The following PTK2 variants were observed in gnomAD, a reference collection of about 807,000 sequenced individuals.
The protein encoded by PTK2 is focal adhesion kinase 1.
A neutral mutation model predicts 150.1 loss-of-function variants in PTK2; 45 were observed. The observed-to-expected ratio is 0.30, with a 90% CI of 0.24 to 0.38. The LOEUF is 0.38. Ranked by LOEUF, PTK2 falls within the 10% of genes least tolerant of loss-of-function variation. PTK2 has a pLI of 1.00. For synonymous variants in PTK2, 432 were observed against 449.2 expected, an observed-to-expected ratio of 0.96 and a Z score of 0.48; for missense variants, 919 against 1,307.3, an observed-to-expected ratio of 0.70 and a Z score of 4.58.
At chr8:140,849,926 C>T (rs930849908) in intron 5 of PTK2, among the ~76,000 whole-genome samples, 2 of 152,162 alleles carry the variant, frequency 1.3e-5, no homozygotes, top group Non-Finnish European at 2.9e-5. Flanking sequence ...TCATTCTCTA[C>T]TAGAATGAAG....
At chr8:140,890,291 G>A (rs2100153794) in intron 3 of PTK2, 2 of 387,956 alleles carry the variant, frequency 5.2e-6, no homozygotes, top group South Asian at 5.7e-5. Flanking sequence ...ACCTAGAAGG[G>A]AAAAATAAGT....
intron 8 of PTK2, 103 bp from the exon 9 acceptor site, chr8:140,819,123 T>A: frequency 8.8e-7 from 1 of 1,132,850 alleles, no homozygotes; most frequent in Non-Finnish European, 1.2e-6. Flanking sequence ...TACTAACACC[T>A]ACATTCAAAT....
At chr8:140,751,383 T>C (rs2100062564) in intron 17 of PTK2, among the ~76,000 whole-genome samples, 1 of 152,190 alleles carries the variant, frequency 6.6e-6, no homozygotes. Flanking sequence ...TTCACCATGT[T>C]GCCCAGGCTG....
At chr8:140,679,014 T>TTG (rs1564185467) in intron 27 of PTK2, among the ~76,000 whole-genome samples, 26 of 30,038 alleles carry the variant, frequency 8.7e-4, no homozygotes, top group African/African-American at 2.4e-3. Flanking sequence ...TTTTTTTTTT[T>TTG]TTTTTTTTTT....
At chr8:140,935,287 A>T (rs2154608655) in intron 1 of PTK2, among the ~76,000 whole-genome samples, 1 of 152,314 alleles carries the variant, frequency 6.6e-6, no homozygotes, top group South Asian at 2.1e-4. Flanking sequence ...AGAAAAAATG[A>T]TTCATATCAA....
intron 1 of PTK2, among the ~76,000 whole-genome samples, chr8:140,962,848 C>T (rs2100183836): frequency 6.6e-6 from 1 of 151,656 alleles, no homozygotes; most frequent in Admixed American, 6.6e-5. Flanking sequence ...CATGGCAATC[C>T]TACAAACTTC....
chr8:140,747,754 AAGGAAGGAGG>A (rs1386784922), intron 17 of PTK2, among the ~76,000 whole-genome samples: 2 of 76,204 alleles, frequency 2.6e-5, no homozygotes, highest in Admixed American at 1.4e-4. Flanking sequence ...GAGGGGGAGG[AAGGAAGGAGG>A]AGGAAGGAAG....
At chr8:140,786,423 T>A (rs1393094217) in intron 14 of PTK2, among the ~76,000 whole-genome samples, 1 of 152,124 alleles carries the variant, frequency 6.6e-6, no homozygotes, top group Non-Finnish European at 1.5e-5. Flanking sequence ...TTTAGTAAGA[T>A]TACCGTTTTT....
intron 7 of PTK2, among the ~76,000 whole-genome samples, chr8:140,833,666 G>A (rs1035776406): frequency 6.6e-6 from 1 of 152,166 alleles, no homozygotes; most frequent in African/African-American, 2.4e-5. Flanking sequence ...CAACTGTCCT[G>A]TATGCGAATA....
At chr8:140,689,163 G>C (rs952398610) in intron 26 of PTK2, among the ~76,000 whole-genome samples, 1 of 152,204 alleles carries the variant, frequency 6.6e-6, no homozygotes, top group African/African-American at 2.4e-5. Context: ...ACTCACTGGG[G>C]AGGTCCTATT....
At chr8:140,901,727 A>G (rs2100158533) in intron 2 of PTK2, among the ~76,000 whole-genome samples, 1 of 151,030 alleles carries the variant, frequency 6.6e-6, no homozygotes. Context: ...GTAGGTATAC[A>G]CATGCCATGG....
At chr8:140,904,469 G>T (rs1028693485) in intron 2 of PTK2, among the ~76,000 whole-genome samples, 2 of 151,988 alleles carry the variant, frequency 1.3e-5, no homozygotes, top group Non-Finnish European at 2.9e-5. Flanking sequence ...TTTTTTTCTT[G>T]TGTGTCTGCC....
Position 140,763,041 on chromosome 8 carries a change from C to T in PTK2, c.1234+1193G>A, listed in dbSNP as rs1390519698. 3.3e-5 allele frequency among the ~76,000 whole-genome samples: 5 copies of T among 152,188 alleles called. No individual in the cohort carries two copies. The East Asian group carries it at 9.6e-4, about 29-fold the overall frequency. On this transcript the variant is annotated intron_variant, in intron 15 of 31. Coordinates refer to ENST00000522684, the Ensembl canonical transcript of PTK2. Reference sequence around the variant, plus strand: ...AAACAATTCTCCTGCCTCTGTCTCCCAAAGTGCTGAGATTACAGATGTGCG... The same window carrying T: ...AAACAATTCTCCTGCCTCTGTCTCCTAAAGTGCTGAGATTACAGATGTGCG...
intron 1 of PTK2, 171 bp downstream of exon 1, chr8:141,000,954 C>G (rs10098028): frequency 0.42 from 63,020 of 151,258 alleles, 15,084 homozygotes; most frequent in Non-Finnish European, 0.55. Context: ...TCCCAGAACC[C>G]GGGCCGGGGG....
intron 3 of PTK2, among the ~76,000 whole-genome samples, chr8:140,883,516 T>C (rs550881338): frequency 3.1e-4 from 47 of 152,372 alleles, no homozygotes; most frequent in African/African-American, 1.1e-3. Context: ...TCATCATTAC[T>C]GATTCTTCTA....
chr8:140,678,851 C>G (rs1202023500), intron 27 of PTK2, among the ~76,000 whole-genome samples: 1 of 151,722 alleles, frequency 6.6e-6, no homozygotes, highest in African/African-American at 2.4e-5. Context: ...CGGGCCAATA[C>G]TTTAACAACA....
chr8:140,776,489 TTA>T (rs1021000997), intron 14 of PTK2, among the ~76,000 whole-genome samples: 5 of 152,150 alleles, frequency 3.3e-5, no homozygotes, highest in African/African-American at 1.2e-4. Flanking sequence ...TTAGGCAAAA[TTA>T]ATATAAGTAC....
intron 19 of PTK2, among the ~76,000 whole-genome samples, chr8:140,744,105 T>G (rs1245833122): frequency 1.5e-4 from 23 of 151,340 alleles, no homozygotes; most frequent in Middle Eastern, 3.4e-3. Context: ...TTGGATGAAG[T>G]TTGTATTAAT....
chr8:140,819,026 T>C lies in PTK2; in HGVS notation c.649-6A>G, dbSNP rs767822372. 9.3e-6 allele frequency: 15 copies of C among 1,610,032 alleles called. No homozygotes were observed. Among genetic ancestry groups the C allele is most frequent in the Admixed American group, 1.7e-5 (1 of 59,310 alleles). ...AGTTTTCTTAGTGTTTTGGCCTGCA[T>C]GACAAAATTACCAAAACATCTTGTA... is the stretch of plus-strand genomic sequence containing the variant. On this transcript the variant is annotated splice_region_variant and splice_polypyrimidine_tract_variant and intron_variant, in intron 8 of 31. Coordinates refer to ENST00000522684, the Ensembl canonical transcript of PTK2.
Sources: gnomAD v4.1 joint callset for allele counts (sites outside exome capture counted in the v4.1 genomes callset) on GRCh38, gnomAD v4.1.1 for gene constraint, MANE v1.5 for transcripts, NCBI Gene and HGNC (gene_info 2026-07-23, HGNC 2026-07-21) for gene names.